TACC2: variants seen among roughly 807,000 people sequenced by gnomAD.
The protein encoded by TACC2 is transforming acidic coiled-coil-containing protein 2.
TACC2 carries 137 observed loss-of-function variants against 227.3 expected under a neutral mutation model. The ratio of observed to expected loss-of-function variants is 0.60; its 90% CI spans 0.52 to 0.69. TACC2 has a LOEUF of 0.69. Among genes scored for constraint, TACC2 ranks in the 30% least tolerant of loss-of-function variants. The pLI, the probability that TACC2 is intolerant of heterozygous loss-of-function variation, is 0.00. For synonymous variants in TACC2, 1,523 were observed against 1,487.5 expected, an observed-to-expected ratio of 1.02 and a Z score of -0.55; for missense variants, 3,470 against 3,694.4, an observed-to-expected ratio of 0.94 and a Z score of 1.57.
chr10:122,230,530 C>T (rs538452561), intron 16 of TACC2, 90 bp downstream of exon 16: 32 of 1,161,990 alleles, frequency 2.8e-5, no homozygotes, highest in Non-Finnish European at 3.4e-5. Flanking sequence ...ATCCGCCAGG[C>T]GGGCATCATC....
chr10:122,143,560 T>C lies in TACC2; in HGVS notation c.5700-12T>C, dbSNP rs532645136. 8.7e-6 allele frequency: 14 copies of C among 1,613,262 alleles called. No homozygotes were observed. The East Asian group carries it at 2.7e-4, about 31-fold the overall frequency. ...AGCACCATGTGGAATAATTCCCTCA[T>C]TGTGTCCCCAGCATCTCCCCAGCTG... On this transcript the variant is annotated splice_polypyrimidine_tract_variant and intron_variant, in intron 6 of 22. Coordinates refer to ENST00000369005, the MANE Select transcript of TACC2 (RefSeq NM_206862.4).
Position 122,150,711 on chromosome 10 carries a change from C to G in TACC2, c.5834+7005C>G, listed in dbSNP as rs184409493. ...TCAGGACCCCACCATGCCCGAGTGCCTCGCCGTGTTGATGAGCCAGTTTCT... is the reference window on the plus strand; with the variant it reads ...TCAGGACCCCACCATGCCCGAGTGCGTCGCCGTGTTGATGAGCCAGTTTCT... On this transcript the variant is annotated intron_variant, in intron 7 of 22. Coordinates refer to ENST00000369005, the MANE Select transcript of TACC2 (RefSeq NM_206862.4). This position sits in a 1 kb window ranked among gnomAD's most constrained non-coding sequence, Gnocchi z 4.0. Among the ~76,000 whole-genome samples, 1 of 152,320 alleles carries G rather than the reference C, an allele frequency of 6.6e-6. No homozygotes were observed. The highest frequency in any genetic ancestry group is 1.5e-5 in the Non-Finnish European group (1 of 68,034).
chr10:122,019,836 G>T (rs1486678967), intron 1 of TACC2: 1 of 152,290 alleles, frequency 6.6e-6, no homozygotes, highest in Admixed American at 6.5e-5. Context: ...CTGAAGGGCA[G>T]AATTTCCATG....
rs746443975 is a variant in TACC2, at chr10:122,227,929, A to G, written c.7817A>G (p.His2606Arg). The G allele has an allele frequency of 1.9e-6, 3 of 1,614,232 alleles. No homozygotes were observed. The highest frequency in any genetic ancestry group is 1.7e-6 in the Non-Finnish European group (2 of 1,180,038). The change falls in exon 14 of 23, where the codon CAC (histidine) becomes CGC (arginine). Residue 2606 changes from histidine (H) to arginine (R), a missense_variant. Physicochemically the swap from His to Arg is conservative, Grantham distance 29. Around this residue, in one of 10 missense-constraint regions of TACC2, gnomAD observed 345 missense variants for 354.4 expected, o/e 0.97. Coordinates refer to ENST00000369005, the MANE Select transcript of TACC2 (RefSeq NM_206862.4). The part of the protein sequence containing the change: ...PRGLAPNQES[H>R]LQVPEKSSQK... ...GGACTGGCCCCTAACCAAGAGTCAC[A>G]CTTGCAGGTGCCAGAGAAATCCTCC... is the stretch of plus-strand genomic sequence containing the variant.
intron 9 of TACC2, chr10:122,213,499 G>A (rs1432242940): frequency 5.1e-6 from 5 of 972,934 alleles, no homozygotes; most frequent in Non-Finnish European, 8.2e-6. Flanking sequence ...TCTGTGGTGG[G>A]CCTGCGAATG....
At chr10:122,200,894 G>A (rs961384508) in intron 8 of TACC2, among the ~76,000 whole-genome samples, 13 of 146,472 alleles carry the variant, frequency 8.9e-5, no homozygotes, top group Non-Finnish European at 1.5e-5. Context: ...CTGAGAGGAC[G>A]ACCACCTCAC....
intron 7 of TACC2, among the ~76,000 whole-genome samples, chr10:122,174,247 C>T (rs2093607942): frequency 6.6e-6 from 1 of 152,324 alleles, no homozygotes; most frequent in Middle Eastern, 3.4e-3. Flanking sequence ...AGCCAGCACT[C>T]CCAAGATAGA....
At chr10:122,173,650 G>A (rs376528131) in intron 7 of TACC2, among the ~76,000 whole-genome samples, 1 of 152,248 alleles carries the variant, frequency 6.6e-6, no homozygotes, top group Admixed American at 6.5e-5. Context: ...TGGCCCTGGG[G>A]TCAGTGGGGA....
rs1231997496 is a variant in TACC2 at position 122,210,281 on chromosome 10, G to C, written c.5972-116G>C. On this transcript the variant is annotated intron_variant, in intron 8 of 22. Transcript: ENST00000369005. This position sits in a 1 kb window ranked among gnomAD's most constrained non-coding sequence, Gnocchi z 4.6. ...AGTACACACAGTGATGGGCGGGGTG[G>C]CCTGGGGCCGTGGTTTGTCAACCCC... 1 of 789,560 alleles carries C rather than the reference G, an allele frequency of 1.3e-6. No individual in the cohort carries two copies. The highest frequency in any genetic ancestry group is 2.2e-6 in the Non-Finnish European group (1 of 464,318). The allele number at this position is 789,560 out of a possible 1,614,324, so 48.9% of individuals were successfully genotyped here.
At chr10:122,176,198 ATGG>A (rs1489053897) in intron 7 of TACC2, among the ~76,000 whole-genome samples, 1 of 150,204 alleles carries the variant, frequency 6.7e-6, no homozygotes, top group Admixed American at 6.7e-5. Context: ...CCAAAGTAGA[ATGG>A]TGGCTGCAGA....
In TACC2 at chr10:122,084,528, A is replaced by G; in HGVS notation, c.2028A>G (p.Gly676=). 6.2e-7 allele frequency: 1 copy of G among 1,613,594 alleles called. No homozygotes were observed. The highest frequency in any genetic ancestry group is 2.2e-5 in the East Asian group (1 of 44,876). ...EDPVLPPVPD[G]AGEPTVPEGA... is the part of the protein sequence containing the mutation. ...CCGTCCTGCCCCCTGTGCCAGATGGAGCTGGTGAGCCCACTGTTCCCGAAG... is the reference window on the plus strand; with the variant it reads ...CCGTCCTGCCCCCTGTGCCAGATGGGGCTGGTGAGCCCACTGTTCCCGAAG... The change falls in exon 4 of 23, where the codon GGA becomes GGG. Residue 676 remains glycine, a synonymous_variant. Coordinates refer to ENST00000369005, the MANE Select transcript of TACC2 (RefSeq NM_206862.4).
intron 3 of TACC2, among the ~76,000 whole-genome samples, chr10:122,078,163 C>A (rs960395835): frequency 4.2e-5 from 6 of 141,744 alleles, no homozygotes; most frequent in African/African-American, 1.6e-4. Flanking sequence ...CCACTGCACT[C>A]CAGCCTGGGC....
rs1343338625 is a variant in TACC2 at position 122,150,235 on chromosome 10, CG to C, written c.5834+6531del. ...TGACGCCATCTGGGCGGCAGTCCCA[CG>C]GCCCCTAGAGCAGCTGGGAAGGGGA... is the stretch of plus-strand genomic sequence containing the variant. On this transcript the variant is annotated intron_variant, in intron 7 of 22. Transcript: ENST00000369005. The surrounding 1 kb of genome is among the most constrained non-coding windows in gnomAD (Gnocchi z 4.0). Among the ~76,000 whole-genome samples the C allele has an allele frequency of 1.3e-5, 2 of 152,226 alleles. No individual in the cohort carries two copies. Among genetic ancestry groups the C allele is most frequent in the Non-Finnish European group, 2.9e-5 (2 of 68,044 alleles).
At position 122,176,111 on chromosome 10, in the gene TACC2, CTCTCTCTATATATATA is replaced by C. The variant is rs1327231989; in HGVS notation, c.5835-18927_5835-18912del. Among the ~76,000 whole-genome samples the C allele has an allele frequency of 3.3e-3, 208 of 62,362 alleles. 1 individual carries two copies. The highest frequency in any genetic ancestry group is 0.019 in the African/African-American group (201 of 10,358). 40.9% of individuals were successfully genotyped at this position (62,362 alleles called of 152,430 possible). On this transcript the variant is annotated intron_variant, in intron 7 of 22. Transcript: ENST00000369005. ...TCTCTCTCTCTCTCTCTCTCTCTCT[CTCTCTCTATATATATA>C]TATATATATATATATATATGAAGAT...
At chr10:122,221,752 A>G (rs575850242) in intron 11 of TACC2, among the ~76,000 whole-genome samples, 1 of 152,302 alleles carries the variant, frequency 6.6e-6, no homozygotes, top group South Asian at 2.1e-4. Context: ...TTTTTATCTT[A>G]AAGTATTTCA....
chr10:122,091,980 T>G (rs1298455669), intron 5 of TACC2, among the ~76,000 whole-genome samples: 4 of 152,346 alleles, frequency 2.6e-5, no homozygotes, highest in African/African-American at 9.6e-5. Flanking sequence ...CTCAAAGAAT[T>G]GCCATGAGGG....
chr10:122,087,220 G>C lies in TACC2; in HGVS notation c.4720G>C (p.Ala1574Pro). 6.2e-7 allele frequency: 1 copy of C among 1,613,146 alleles called. No homozygotes were observed. The highest frequency in any genetic ancestry group is 8.5e-7 in the Non-Finnish European group (1 of 1,179,730). The change falls in exon 4 of 23, where the codon GCT (alanine) becomes CCT (proline). Residue 1574 changes from alanine to proline, a missense_variant. Physicochemically the swap from Ala to Pro is conservative, Grantham distance 27. Transcript: ENST00000369005. ...AATQELPVER[A>P]AAFQVAPHSH... ...TACTCAGGAGCTCCCTGTGGAGAGA[G>C]CTGCTGCCTTCCAGGTGGCTCCCCA...
At chr10:122,002,471 G>C (rs1954514288) in intron 1 of TACC2, among the ~76,000 whole-genome samples, 1 of 152,046 alleles carries the variant, frequency 6.6e-6, no homozygotes, top group Non-Finnish European at 1.5e-5. Flanking sequence ...TCAGGTTGAG[G>C]AATCAGTGTC....
intron 1 of TACC2, among the ~76,000 whole-genome samples, chr10:122,005,000 A>G (rs185431574): frequency 1.8e-3 from 271 of 151,966 alleles, no homozygotes; most frequent in African/African-American, 6.2e-3. Context: ...CCCAGTTATC[A>G]CTTGGTTGGA....
Sources: gnomAD v4.1 joint callset for allele counts (sites outside exome capture counted in the v4.1 genomes callset) on GRCh38, gnomAD v4.1.1 for gene constraint, gnomAD v4.1.1 regional missense constraint, Gnocchi (gnomAD v3.1) non-coding constraint, MANE v1.5 for transcripts, NCBI Gene and HGNC (gene_info 2026-07-23, HGNC 2026-07-21) for gene names.